Variants in TRPV5 observed in about 807,000 individuals in gnomAD.
TRPV5 encodes the protein transient receptor potential cation channel subfamily V member 5, also known as calcium transport protein 2.
A neutral mutation model predicts 74.1 loss-of-function variants in TRPV5; 66 were observed. The observed-to-expected ratio is 0.89, with a 90% CI of 0.73 to 1.09. The LOEUF is 1.09. Among genes scored for constraint, TRPV5 ranks in the 50% least tolerant of loss-of-function variants. The pLI, the probability that TRPV5 is intolerant of heterozygous loss-of-function variation, is 0.00. For missense variants in TRPV5, 936 were observed against 930.4 expected (o/e 1.01, Z -0.08); for synonymous variants, 399 against 360.7 (o/e 1.11, Z -1.20).
chr7:142,924,627 T>G (rs1795953917), intron 8 of TRPV5, among the ~76,000 whole-genome samples: 1 of 151,972 alleles, frequency 6.6e-6, no homozygotes, highest in Admixed American at 6.6e-5. Context: ...GGCTGCTCTC[T>G]CCTGCATTGA....
chr7:142,908,506 G>C lies in TRPV5; in HGVS notation c.*8C>G. Reference sequence around the variant, plus strand: ...CGGGAGTAAGGTCAAGAGTGATAGCGATGTTAATCAAAAATGGTAGACCTC... The same window carrying C: ...CGGGAGTAAGGTCAAGAGTGATAGCCATGTTAATCAAAAATGGTAGACCTC... On this transcript the variant is annotated 3_prime_UTR_variant, in exon 15 of 15. Transcript: ENST00000265310. 2 of 1,613,626 alleles carry C rather than the reference G, an allele frequency of 1.2e-6. No individual in the cohort carries two copies. Among genetic ancestry groups the C allele is most frequent in the Non-Finnish European group, 1.7e-6 (2 of 1,179,520 alleles).
At chr7:142,912,047 T>G (rs1795709900) in intron 13 of TRPV5, among the ~76,000 whole-genome samples, 1 of 152,256 alleles carries the variant, frequency 6.6e-6, no homozygotes, top group South Asian at 2.1e-4. Flanking sequence ...ATTATTATGT[T>G]AAGTAGGAGG....
In TRPV5 at chr7:142,928,218, A is replaced by C; in HGVS notation, c.779T>G (p.Met260Arg). The change falls in exon 7 of 15, where the codon ATG becomes AGG. Residue 260 changes from methionine (M) to arginine (R), a missense_variant. By Grantham distance (91) the Met-to-Arg change is moderately conservative. Transcript: ENST00000265310. ...CCACTGGATGTGCCTCCGCTTCTGC[A>C]TCAGGTGCTGGAACATCTGAGAGAC... ...EGNTVMFQHL[M>R]QKRRHIQWTY... 6.2e-7 allele frequency: 1 copy of C among 1,614,202 alleles called. No homozygotes were observed. Among genetic ancestry groups the C allele is most frequent in the Non-Finnish European group, 8.5e-7 (1 of 1,180,034 alleles).
chr7:142,929,263 G>A, intron 4 of TRPV5, 143 bp from the exon 5 acceptor site: 1 of 1,467,742 alleles, frequency 6.8e-7, no homozygotes, highest in South Asian at 1.3e-5. Flanking sequence ...ACCAGAGGAA[G>A]GAACCATCAG....
At position 142,928,176 on chromosome 7, in the gene TRPV5, G is replaced by A. The variant is rs532397195; in HGVS notation, c.821C>T (p.Thr274Ile). 21 of 1,614,110 alleles carry A rather than the reference G, an allele frequency of 1.3e-5. 1 individual carries two copies. In the East Asian group the frequency reaches 4.7e-4, roughly 36 times the overall value. Residue 274 changes from threonine (T) to isoleucine (I), a missense_variant, in exon 7 of 15, where the codon ACC becomes ATC. Transcript: ENST00000265310. The part of the protein sequence containing the change: ...RHIQWTYGPL[T>I]SILYDLTEID... ...CTCCGTGAGGTCGTAGAGAATGGAG[G>A]TCAGGGGTCCATACGTCCACTGGAT...
intron 8 of TRPV5, among the ~76,000 whole-genome samples, chr7:142,922,604 T>A (rs1795903872): frequency 6.6e-6 from 1 of 152,194 alleles, no homozygotes; most frequent in Non-Finnish European, 1.5e-5. Context: ...CTTCCTAGGT[T>A]TCTAGTGTAC....
At chr7:142,930,696 G>T (rs184999817) in intron 1 of TRPV5, among the ~76,000 whole-genome samples, 13 of 152,332 alleles carry the variant, frequency 8.5e-5, no homozygotes, top group Non-Finnish European at 1.6e-4. Context: ...CTGCTGGAGG[G>T]GAAGAGTTAA....
intron 13 of TRPV5, 102 bp downstream of exon 13, chr7:142,912,380 T>A: frequency 1.3e-6 from 2 of 1,490,996 alleles, no homozygotes; most frequent in Non-Finnish European, 1.8e-6. Context: ...CCTCACTGGG[T>A]TTTTCTGTGA....
chr7:142,925,257 C>A, intron 8 of TRPV5: 2 of 556,800 alleles, frequency 3.6e-6, no homozygotes, highest in Non-Finnish European at 3.2e-6. Context: ...TGTAAATTAC[C>A]AAAAAATTTC....
rs749390349 is a variant in TRPV5 at position 142,928,080 on chromosome 7, A to C, written c.909+8T>G. The stretch of plus-strand genomic sequence containing the variant: ...CATGACAGGCCTGATCCTCCTTGGC[A>C]TCCATACCTCTCGTTTATCAGAGGA... On this transcript the variant is annotated splice_region_variant and intron_variant, in intron 7 of 14. Transcript: ENST00000265310. 1 of 1,614,172 alleles carries C rather than the reference A, an allele frequency of 6.2e-7. No homozygotes were observed. The highest frequency in any genetic ancestry group is 1.7e-5 in the Admixed American group (1 of 60,032).
At chr7:142,931,537 G>T (rs939323898) in intron 1 of TRPV5, among the ~76,000 whole-genome samples, 3 of 152,082 alleles carry the variant, frequency 2.0e-5, no homozygotes, top group African/African-American at 7.2e-5. Flanking sequence ...GATAAAGCTG[G>T]AGCCTCTCCA....
At chr7:142,924,722 C>A (rs1795955010) in intron 8 of TRPV5, 1 of 152,122 alleles carries the variant, frequency 6.6e-6, no homozygotes, top group Non-Finnish European at 1.5e-5. Flanking sequence ...ACCTACATCA[C>A]CTTCTGTGTA....
chr7:142,925,684 T>G lies in TRPV5; in HGVS notation c.967A>C (p.Lys323Gln), dbSNP rs1402848465. 3 of 1,614,048 alleles carry G rather than the reference T, an allele frequency of 1.9e-6. No individual in the cohort carries two copies. The African/African-American group carries it at 4.0e-5, about 22-fold the overall frequency. ...VKELVSFKWN[K>Q]YGRPYFCILA... Reference sequence around the variant, plus strand: ...ATGCAGAAGTACGGCCGGCCATACTTGTTCCACTTGAAGCTCACCAGCTCC... The same window carrying G: ...ATGCAGAAGTACGGCCGGCCATACTGGTTCCACTTGAAGCTCACCAGCTCC... The change falls in exon 8 of 15, where the codon AAG becomes CAG. Residue 323 changes from lysine to glutamine, a missense_variant. Physicochemically the swap from Lys to Gln is moderately conservative, Grantham distance 53 (BLOSUM62 1). Coordinates refer to ENST00000265310, the MANE Select transcript of TRPV5 (RefSeq NM_019841.7).
chr7:142,918,222 A>AT (rs953766922), intron 8 of TRPV5, among the ~76,000 whole-genome samples: 16 of 151,926 alleles, frequency 1.1e-4, no homozygotes, highest in African/African-American at 2.4e-4. Flanking sequence ...TGCATTCAAG[A>AT]TTTTTTTTTC....
intron 7 of TRPV5, among the ~76,000 whole-genome samples, chr7:142,927,238 G>A (rs4252424): frequency 0.14 from 20,702 of 152,144 alleles, 1,769 homozygotes; most frequent in Non-Finnish European, 0.19. Flanking sequence ...GTGGCTGTCT[G>A]CATGCATGGT....
intron 8 of TRPV5, among the ~76,000 whole-genome samples, chr7:142,923,679 AAAG>A (rs1262990831): frequency 6.6e-6 from 1 of 152,220 alleles, no homozygotes; most frequent in Non-Finnish European, 1.5e-5. Context: ...AGAGAGAAAG[AAAG>A]AAGGATGGGT....
intron 10 of TRPV5, 71 bp downstream of exon 10, chr7:142,915,236 A>G: frequency 6.3e-7 from 1 of 1,581,314 alleles, no homozygotes; most frequent in African/African-American, 1.4e-5. Flanking sequence ...CCTAGAACTC[A>G]GAGAGTGAGC....
chr7:142,917,855 T>C (rs1297019768), intron 8 of TRPV5, among the ~76,000 whole-genome samples: 1 of 152,202 alleles, frequency 6.6e-6, no homozygotes, highest in Non-Finnish European at 1.5e-5. Context: ...CTGTAGGGTT[T>C]TGTTTGCTTT....
chr7:142,932,342 C>T (rs1003285756), intron 1 of TRPV5, among the ~76,000 whole-genome samples: 1 of 152,126 alleles, frequency 6.6e-6, no homozygotes, highest in African/African-American at 2.4e-5. Context: ...GGTGAGATTC[C>T]ACTGGAGGTA....
Sources: allele counts gnomAD v4.1 joint callset (sites outside exome capture counted in the v4.1 genomes callset), GRCh38; gene constraint gnomAD v4.1.1; transcripts MANE v1.5; gene names NCBI Gene and HGNC (gene_info 2026-07-23, HGNC 2026-07-21).